The following SEMA3A variants were observed in gnomAD, a reference collection of about 807,000 sequenced individuals.
SEMA3A encodes semaphorin-3A.
Under a neutral mutation model 97.9 loss-of-function variants are expected in SEMA3A, and 29 were observed. That is an observed-to-expected ratio of 0.30 (90% confidence interval 0.22 to 0.40). The LOEUF is 0.40. SEMA3A is among the 10% of genes least tolerant of loss of function. The pLI, the probability that SEMA3A is intolerant of heterozygous loss-of-function variation, is 1.00. For missense variants in SEMA3A, 763 were observed against 951.3 expected (o/e 0.80, Z 2.60); for synonymous variants, 321 against 323.7 (o/e 0.99, Z 0.09).
At chr7:84,384,209 C>T (rs532118213) in intron 1 of SEMA3A, among the ~76,000 whole-genome samples, 1 of 152,186 alleles carries the variant, frequency 6.6e-6, no homozygotes, top group South Asian at 2.1e-4. Flanking sequence ...TAATAATCAT[C>T]TGTAGTTGTC....
At chr7:84,472,776 C>A (rs1324311929) in intron 1 of SEMA3A, among the ~76,000 whole-genome samples, 1 of 152,030 alleles carries the variant, frequency 6.6e-6, no homozygotes, top group Non-Finnish European at 1.5e-5. Context: ...TCCCACTAAA[C>A]CAAATCGATC....
At chr7:84,332,990 T>G (rs1363926314) in intron 2 of SEMA3A, among the ~76,000 whole-genome samples, 2 of 152,144 alleles carry the variant, frequency 1.3e-5, no homozygotes, top group African/African-American at 4.8e-5. Context: ...CAGCTAAGAC[T>G]GGTATCTTTA....
At chr7:84,327,643 T>G (rs940019534) in intron 2 of SEMA3A, among the ~76,000 whole-genome samples, 2 of 151,994 alleles carry the variant, frequency 1.3e-5, no homozygotes, top group Non-Finnish European at 2.9e-5. Context: ...AATTATGAAT[T>G]GTATATTTTA....
At chr7:83,983,952 T>A (rs892132641) in intron 13 of SEMA3A, among the ~76,000 whole-genome samples, 1 of 152,282 alleles carries the variant, frequency 6.6e-6, no homozygotes, top group South Asian at 2.1e-4. Context: ...TGAATGAAAT[T>A]GAGTCATATC....
chr7:84,120,910 T>C (rs1452523698), intron 3 of SEMA3A, among the ~76,000 whole-genome samples: 1 of 152,198 alleles, frequency 6.6e-6, no homozygotes, highest in African/African-American at 2.4e-5. Context: ...TTAGAATTTC[T>C]TGTGCTATTT....
At chr7:84,278,492 G>A (rs903493445) in intron 3 of SEMA3A, among the ~76,000 whole-genome samples, 1 of 151,948 alleles carries the variant, frequency 6.6e-6, no homozygotes, top group Non-Finnish European at 1.5e-5. Context: ...TTCTGTATTA[G>A]ACCTTTCTTA....
chr7:84,482,927 C>G (rs1806484671), intron 1 of SEMA3A, among the ~76,000 whole-genome samples: 1 of 150,788 alleles, frequency 6.6e-6, no homozygotes, highest in South Asian at 2.1e-4. Flanking sequence ...TGAAAGTACC[C>G]TTGGAATGTT....
chr7:84,115,320 A>G (rs1795391706), intron 3 of SEMA3A, among the ~76,000 whole-genome samples: 1 of 152,070 alleles, frequency 6.6e-6, no homozygotes. Context: ...CATTTCAGTT[A>G]AGTGCCCAAT....
At chr7:84,445,516 A>AAAAAAAAAAAAAAAAAAAAAAAAG (rs1805391070) in intron 1 of SEMA3A, among the ~76,000 whole-genome samples, 5 of 123,690 alleles carry the variant, frequency 4.0e-5, no homozygotes, top group East Asian at 2.7e-4. Flanking sequence ...AAAAAAAAAA[A>AAAAAAAAAAAAAAAAAAAAAAAAG]AAAAGAAAAG....
At chr7:84,018,591 G>T (rs1791194421) in intron 6 of SEMA3A, among the ~76,000 whole-genome samples, 1 of 152,144 alleles carries the variant, frequency 6.6e-6, no homozygotes, top group African/African-American at 2.4e-5. Flanking sequence ...GAAAGAATTT[G>T]CATAAGTCTT....
chr7:84,159,738 G>T (rs1005995436), intron 1 of SEMA3A, among the ~76,000 whole-genome samples: 4 of 152,116 alleles, frequency 2.6e-5, no homozygotes, highest in African/African-American at 9.7e-5. Flanking sequence ...TAGACCCTTA[G>T]CTCTTGATGC....
chr7:84,137,097 C>G lies in SEMA3A; in HGVS notation c.113-2146G>C, dbSNP rs74558662. Among the ~76,000 whole-genome samples the G allele has an allele frequency of 3.3e-4, 50 of 152,058 alleles. No individual in the cohort carries two copies. In the East Asian group the frequency reaches 4.3e-3, roughly 13 times the overall value. On this transcript the variant is annotated intron_variant, in intron 1 of 16. Transcript: ENST00000265362. Reference sequence around the variant, plus strand: ...GGACAGAAAATCCACTACATAATATCTAAATTGAAATGGCATTTATTGGCT... The same window carrying G: ...GGACAGAAAATCCACTACATAATATGTAAATTGAAATGGCATTTATTGGCT...
At chr7:84,234,524 A>G (rs1346640888) in intron 3 of SEMA3A, among the ~76,000 whole-genome samples, 1 of 152,058 alleles carries the variant, frequency 6.6e-6, no homozygotes, top group Non-Finnish European at 1.5e-5. Flanking sequence ...ATCTGCTGTG[A>G]TCACAATATT....
At chr7:84,479,219 G>C (rs1170584383) in intron 1 of SEMA3A, among the ~76,000 whole-genome samples, 1 of 152,120 alleles carries the variant, frequency 6.6e-6, no homozygotes. Context: ...GTGCCTTAAG[G>C]TTAATGGACA....
chr7:84,073,742 T>A (rs1793833592), intron 4 of SEMA3A, among the ~76,000 whole-genome samples: 1 of 151,986 alleles, frequency 6.6e-6, no homozygotes, highest in Non-Finnish European at 1.5e-5. Flanking sequence ...TTTACAGGAA[T>A]TTTAAGTGTT....
intron 1 of SEMA3A, among the ~76,000 whole-genome samples, chr7:84,150,646 G>A (rs1440042921): frequency 4.6e-5 from 7 of 152,238 alleles, no homozygotes; most frequent in South Asian, 4.1e-4. Context: ...ACTGCAAGGC[G>A]GCAGTGAGGA....
At chr7:84,235,836 T>C (rs990453805) in intron 3 of SEMA3A, among the ~76,000 whole-genome samples, 2 of 152,066 alleles carry the variant, frequency 1.3e-5, no homozygotes, top group African/African-American at 4.8e-5. Context: ...CTTTATGCCA[T>C]TGCATCTCAA....
chr7:84,227,408 A>C (rs1799014760), intron 3 of SEMA3A, among the ~76,000 whole-genome samples: 1 of 150,554 alleles, frequency 6.6e-6, no homozygotes. Flanking sequence ...CTAAAAATAC[A>C]TTTTTTTTTG....
chr7:84,414,039 TTACTC>T (rs1245261300), intron 1 of SEMA3A, among the ~76,000 whole-genome samples: 22 of 152,274 alleles, frequency 1.4e-4, no homozygotes, highest in Admixed American at 1.4e-3. Context: ...AAATTTCTGA[TTACTC>T]TATTAACTGA....
Sources: gnomAD v4.1 joint callset for allele counts (sites outside exome capture counted in the v4.1 genomes callset) on GRCh38, gnomAD v4.1.1 for gene constraint, MANE v1.5 for transcripts, NCBI Gene and HGNC (gene_info 2026-07-23, HGNC 2026-07-21) for gene names.